MTUS2: variants seen among roughly 807,000 people sequenced by gnomAD.
MTUS2 encodes microtubule associated scaffold protein 2.
In MTUS2, 40 loss-of-function variants were observed where a neutral mutation model predicts 114.1. The observed-to-expected ratio is 0.35, with a 90% CI of 0.27 to 0.46. The LOEUF is 0.46. Among genes scored for constraint, MTUS2 ranks in the 20% least tolerant of loss-of-function variants. The pLI is 1.00. For missense variants in MTUS2, 1,679 were observed against 1,705.4 expected (o/e 0.98, Z 0.27); for synonymous variants, 688 against 672.0 (o/e 1.02, Z -0.37).
chr13:29,081,926 G>A (rs763856179), intron 4 of MTUS2, among the ~76,000 whole-genome samples: 2 of 152,144 alleles, frequency 1.3e-5, no homozygotes, highest in Non-Finnish European at 2.9e-5. Context: ...ACTTTTGGCC[G>A]GAGTATCCAG....
chr13:28,900,271 A>C (rs1879565209), intron 2 of MTUS2, among the ~76,000 whole-genome samples: 1 of 152,132 alleles, frequency 6.6e-6, no homozygotes, highest in East Asian at 1.9e-4. Flanking sequence ...CCTTGTTCAG[A>C]TTCTCCCACC....
intron 2 of MTUS2, among the ~76,000 whole-genome samples, chr13:28,855,937 T>G (rs545155067): frequency 6.6e-6 from 1 of 152,190 alleles, no homozygotes; most frequent in Admixed American, 6.5e-5. Flanking sequence ...CAGTATCTGT[T>G]GTTTCTTGAC....
At chr13:29,157,818 A>C (rs1254610656) in intron 5 of MTUS2, among the ~76,000 whole-genome samples, 1 of 114,980 alleles carries the variant, frequency 8.7e-6, no homozygotes. Flanking sequence ...ACAGATATAG[A>C]TGTAGATATA....
intron 8 of MTUS2, among the ~76,000 whole-genome samples, chr13:29,386,081 G>A (rs765492873): frequency 9.9e-5 from 15 of 152,168 alleles, no homozygotes; most frequent in Non-Finnish European, 1.6e-4. Flanking sequence ...AATTAATTTT[G>A]AATAATGCAT....
intron 2 of MTUS2, among the ~76,000 whole-genome samples, chr13:28,895,513 A>T (rs1879212543): frequency 6.6e-6 from 1 of 152,208 alleles, no homozygotes; most frequent in Non-Finnish European, 1.5e-5. Flanking sequence ...ATTCTTTTAG[A>T]TTAAATAGTA....
In MTUS2 at chr13:29,371,219, C is replaced by T. The variant is rs1289792527; in HGVS notation, c.3117+11746C>T. Among the ~76,000 whole-genome samples the T allele has an allele frequency of 1.0e-4, 3 of 29,364 alleles. No individual in the cohort carries two copies. In the African/African-American group the frequency reaches 1.1e-3, roughly 10 times the overall value. 19.3% of individuals were successfully genotyped at this position (29,364 alleles called of 152,430 possible). A position where few individuals can be genotyped will look rare whatever the true frequency, so the allele number is the denominator to read the frequency against. On this transcript the variant is annotated intron_variant, in intron 8 of 15. Transcript: ENST00000612955. ...TCATTTAATATCTTCACATTAACCA[C>T]CCCCCCCCCCTTTTTTGAGATGGAG...
At chr13:28,971,929 A>G (rs1160881131) in intron 2 of MTUS2, among the ~76,000 whole-genome samples, 2 of 152,232 alleles carry the variant, frequency 1.3e-5, no homozygotes, top group Admixed American at 6.5e-5. Context: ...CATGTGCTGC[A>G]TGCAAACAGC....
intron 8 of MTUS2, among the ~76,000 whole-genome samples, chr13:29,386,539 G>T (rs777541584): frequency 3.3e-5 from 5 of 152,212 alleles, no homozygotes; most frequent in Admixed American, 6.5e-5. Context: ...GCTCCAGCTG[G>T]ACTGGGCAGG....
At chr13:29,465,479 C>T (rs893887114) in intron 9 of MTUS2, among the ~76,000 whole-genome samples, 8 of 152,196 alleles carry the variant, frequency 5.3e-5, no homozygotes, top group African/African-American at 7.2e-5. Context: ...GAGGCATCCC[C>T]GGTAACGCAT....
Position 28,910,855 on chromosome 13 carries a change from CTTTTTTTTTTTTTTTTTTT to C in MTUS2, c.-243+71025_-243+71043del, listed in dbSNP as rs555935861. On this transcript the variant is annotated intron_variant, in intron 2 of 15. Transcript: ENST00000612955. ...CTGCAATGAACACACATATACATGG[CTTTTTTTTTTTTTTTTTTT>C]TTTTTTTTTTTTTTTTTTTGAGATG... Among the ~76,000 whole-genome samples, 49 of 58,042 alleles carry C rather than the reference CTTTTTTTTTTTTTTTTTTT, an allele frequency of 8.4e-4. 1 individual carries two copies. In the East Asian group the frequency reaches 0.013, roughly 16 times the overall value. 38.1% of individuals were successfully genotyped at this position (58,042 alleles called of 152,430 possible). A position where few individuals can be genotyped will look rare whatever the true frequency, so the allele number is the denominator to read the frequency against.
At chr13:28,994,113 C>T (rs1238481182) in intron 2 of MTUS2, among the ~76,000 whole-genome samples, 3 of 152,064 alleles carry the variant, frequency 2.0e-5, no homozygotes, top group Admixed American at 6.5e-5. Context: ...CATGTGTTCT[C>T]ATTGTTCAAT....
chr13:29,093,319 T>G (rs1247933023), intron 4 of MTUS2, among the ~76,000 whole-genome samples: 1 of 152,162 alleles, frequency 6.6e-6, no homozygotes, highest in African/African-American at 2.4e-5. Flanking sequence ...GGTGCATGCC[T>G]GTAATCCCAG....
At chr13:29,104,762 CA>C (rs1345613077) in intron 5 of MTUS2, among the ~76,000 whole-genome samples, 16 of 152,084 alleles carry the variant, frequency 1.1e-4, no homozygotes, top group Non-Finnish European at 1.8e-4. Flanking sequence ...CATAGCTTTT[CA>C]AAAAAATATT....
intron 6 of MTUS2, among the ~76,000 whole-genome samples, chr13:29,287,242 A>G (rs3011450): frequency 0.54 from 81,999 of 152,006 alleles, 22,750 homozygotes; most frequent in East Asian, 0.85. Flanking sequence ...GTGGGCTGCA[A>G]TTTGTCCATT....
chr13:28,947,793 C>T (rs2138160458), intron 2 of MTUS2, among the ~76,000 whole-genome samples: 1 of 152,162 alleles, frequency 6.6e-6, no homozygotes, highest in East Asian at 1.9e-4. Flanking sequence ...CATGCCTTTC[C>T]TCAAAGAAAG....
chr13:28,946,704 A>G (rs1368596183), intron 2 of MTUS2, among the ~76,000 whole-genome samples: 7 of 152,168 alleles, frequency 4.6e-5, no homozygotes, highest in Admixed American at 4.6e-4. Context: ...CACAAAAATT[A>G]GACAACAGGG....
chr13:29,269,762 A>T (rs1334409038), intron 5 of MTUS2, among the ~76,000 whole-genome samples: 1 of 152,220 alleles, frequency 6.6e-6, no homozygotes, highest in Non-Finnish European at 1.5e-5. Flanking sequence ...TTACACTCTC[A>T]TGTTCATTGT....
chr13:29,340,553 T>C (rs558799806), intron 7 of MTUS2, among the ~76,000 whole-genome samples: 85 of 99,248 alleles, frequency 8.6e-4, no homozygotes, highest in Middle Eastern at 5.6e-3. Context: ...GCAATGTTGA[T>C]TTTTTGTGGA....
At chr13:28,992,952 T>G (rs1454964437) in intron 2 of MTUS2, among the ~76,000 whole-genome samples, 1 of 152,204 alleles carries the variant, frequency 6.6e-6, no homozygotes, top group Non-Finnish European at 1.5e-5. Flanking sequence ...TCTAGGTACC[T>G]TATGTGAGTG....
Sources: allele counts gnomAD v4.1 joint callset (sites outside exome capture counted in the v4.1 genomes callset), GRCh38; gene constraint gnomAD v4.1.1; transcripts MANE v1.5; gene names NCBI Gene and HGNC (gene_info 2026-07-23, HGNC 2026-07-21).